ADAM33: variants seen among roughly 807,000 people sequenced by gnomAD.
ADAM33 encodes the protein ADAM metallopeptidase domain 33.
A neutral mutation model predicts 106.2 loss-of-function variants in ADAM33; 103 were observed. The observed-to-expected ratio is 0.97, with a 90% confidence interval of 0.83 to 1.14. ADAM33 has a LOEUF of 1.14. Ranked by LOEUF, ADAM33 falls within the 50% of genes most tolerant of loss-of-function variation. The pLI, the probability that ADAM33 is intolerant of heterozygous loss-of-function variation, is 0.00. For synonymous variants in ADAM33, 483 were observed against 453.0 expected, an observed-to-expected ratio of 1.07 and a Z score of -0.84; for missense variants, 1,120 against 1,096.6, an observed-to-expected ratio of 1.02 and a Z score of -0.30.
In ADAM33 at chr20:3,671,839, C is replaced by T. The variant is rs200156657; in HGVS notation, c.1706+38G>A. 1.3e-5 allele frequency: 20 copies of T among 1,551,484 alleles called. No individual in the cohort carries two copies. In the East Asian group the frequency reaches 3.4e-4, roughly 27 times the overall value. ...GTACCCCCCTTCCCCAAACCCACTCCATAGCTTCTGCTCCCTCCACTCAGC... is the reference window on the plus strand; with the variant it reads ...GTACCCCCCTTCCCCAAACCCACTCTATAGCTTCTGCTCCCTCCACTCAGC... On this transcript the variant is annotated intron_variant, in intron 15 of 21. Coordinates refer to ENST00000356518, the MANE Select transcript of ADAM33 (RefSeq NM_025220.5).
intron 4 of ADAM33, 50 bp from the exon 5 acceptor site, chr20:3,674,899 G>A (rs1419055253): frequency 1.9e-6 from 3 of 1,607,706 alleles, no homozygotes; most frequent in South Asian, 1.1e-5. Context: ...TGGAGCAAGA[G>A]GGGCAAGAGG....
chr20:3,681,779 C>T (rs2088520737), intron 1 of ADAM33, 129 bp downstream of exon 1: 18 of 1,358,432 alleles, frequency 1.3e-5, no homozygotes, highest in Non-Finnish European at 1.4e-5. Context: ...ACGCCCTGAC[C>T]TACTGGCCGT....
chr20:3,671,556 G>C (rs372086708), intron 16 of ADAM33, 25 bp downstream of exon 16: 1 of 1,609,020 alleles, frequency 6.2e-7, no homozygotes, highest in South Asian at 1.1e-5. Flanking sequence ...AAACGGCAAG[G>C]AGGGGTCGGG....
chr20:3,672,332 G>A lies in ADAM33; in HGVS notation c.1402-3C>T, dbSNP rs773138145. ...CACAGCGCTCCAGCCGGCTTCAGCT[G>A]CGCAGGTGACGGGTGGTGGGGAAGG... On this transcript the variant is annotated splice_region_variant and splice_polypyrimidine_tract_variant and intron_variant, in intron 13 of 21. Transcript: ENST00000356518. 2.4e-5 allele frequency: 38 copies of A among 1,557,822 alleles called. 2 individuals carry two copies. The South Asian group carries it at 3.7e-4, about 15-fold the overall frequency.
intron 4 of ADAM33, 66 bp downstream of exon 4, chr20:3,674,961 G>C (rs752498101): frequency 1.2e-6 from 2 of 1,610,602 alleles, no homozygotes; most frequent in South Asian, 1.1e-5. Context: ...GCAAGGAGGA[G>C]TAGGGGTAGG....
rs577080284 is a variant in ADAM33, at chr20:3,668,601, G to A, written c.*362C>T. On this transcript the variant is annotated 3_prime_UTR_variant, in exon 22 of 22. Transcript: ENST00000356518. ...TCATGCCCTCCACAGAGCTGGGTCCGTGGAAATTGCATGTAGGAGACACAC... is the reference window on the plus strand; with the variant it reads ...TCATGCCCTCCACAGAGCTGGGTCCATGGAAATTGCATGTAGGAGACACAC... 14 of 322,842 alleles carry A rather than the reference G, an allele frequency of 4.3e-5. No individual in the cohort carries two copies. The highest frequency in any genetic ancestry group is 1.1e-4 in the African/African-American group (5 of 47,594). 20.0% of individuals were successfully genotyped at this position (322,842 alleles called of 1,614,324 possible). A position where few individuals can be genotyped will look rare whatever the true frequency, so the allele number is the denominator to read the frequency against.
At position 3,673,884 on chromosome 20, in the gene ADAM33, C is replaced by G. The variant is rs2146399915; in HGVS notation, c.766G>C (p.Ala256Pro). ...GTCCACACCTCCAGGCCGGTCAGCG[C>G]CACCTGAATGTCCAGAGTCCTGAGA... Reference protein sequence around the residue: ...QLLRTLDIQVALTGLEVWTER... With the variant: ...QLLRTLDIQVPLTGLEVWTER... Residue 256 changes from alanine (A) to proline (P), a missense_variant, in exon 9 of 22, where the codon GCG becomes CCG. By Grantham distance (27) the Ala-to-Pro change is conservative. Transcript: ENST00000356518. 6.4e-7 allele frequency: 1 copy of G among 1,563,342 alleles called. No individual in the cohort carries two copies. Among genetic ancestry groups the G allele is most frequent in the South Asian group, 1.2e-5 (1 of 85,598 alleles).
At chr20:3,671,212 G>C in intron 18 of ADAM33, 25 bp downstream of exon 18, 1 of 1,613,130 alleles carries the variant, frequency 6.2e-7, no homozygotes, top group Non-Finnish European at 8.5e-7. Flanking sequence ...CCCAGCTCCT[G>C]CCCACATGCC....
At chr20:3,669,166 C>T in intron 21 of ADAM33, 133 bp downstream of exon 21, 1 of 1,188,440 alleles carries the variant, frequency 8.4e-7, no homozygotes, top group South Asian at 1.3e-5. Flanking sequence ...GCATGATAAC[C>T]AAGAGGTCAT....
rs369029226 is a variant in ADAM33, at chr20:3,673,882, C to T, written c.768G>A (p.Ala256=). 2 of 1,562,156 alleles carry T rather than the reference C, an allele frequency of 1.3e-6. No homozygotes were observed. Among genetic ancestry groups the T allele is most frequent in the Non-Finnish European group, 1.7e-6 (2 of 1,161,284 alleles). ...QLLRTLDIQV[A]LTGLEVWTER... ...CGGTCCACACCTCCAGGCCGGTCAG[C>T]GCCACCTGAATGTCCAGAGTCCTGA... The change falls in exon 9 of 22, where the codon GCG becomes GCA. Residue 256 remains alanine, a synonymous_variant. Transcript: ENST00000356518.
chr20:3,676,567 T>C (rs2087978592), intron 3 of ADAM33, among the ~76,000 whole-genome samples: 1 of 151,954 alleles, frequency 6.6e-6, no homozygotes, highest in Admixed American at 6.6e-5. Flanking sequence ...GCCCCCTAAG[T>C]AGCTGGGATT....
At chr20:3,677,691 T>C (rs111364105) in intron 2 of ADAM33, among the ~76,000 whole-genome samples, 2,437 of 152,184 alleles carry the variant, frequency 0.016, 70 homozygotes, top group African/African-American at 0.055. Flanking sequence ...GCAGCCCCCG[T>C]CCCTCCGGCT....
In ADAM33 at chr20:3,677,076, T is replaced by C; in HGVS notation, c.245A>G (p.Glu82Gly). The stretch of plus-strand genomic sequence containing the variant: ...CCAGCCTGGCACTCACTGGTTCTTC[T>C]CCAGCTCAAGCAGGAGCTCCTGGCC... ...AEGQELLLEL[E>G]KNHRLLAPGY... The change falls in exon 3 of 22, where the codon GAG (glutamate) becomes GGG (glycine). Residue 82 changes from glutamate to glycine, a missense_variant. Transcript: ENST00000356518. 1.2e-6 allele frequency: 2 copies of C among 1,612,702 alleles called. No individual in the cohort carries two copies. The highest frequency in any genetic ancestry group is 1.7e-6 in the Non-Finnish European group (2 of 1,179,682).
At chr20:3,672,927 G>A (rs1232415702) in intron 11 of ADAM33, 29 bp from the exon 12 acceptor site, 1 of 1,523,696 alleles carries the variant, frequency 6.6e-7, no homozygotes, top group Non-Finnish European at 8.7e-7. Context: ...CATTGGGCAT[G>A]GAGGGACAGT....
At chr20:3,677,176 G>A in intron 2 of ADAM33, 33 bp from the exon 3 acceptor site, 3 of 1,543,848 alleles carry the variant, frequency 1.9e-6, no homozygotes, top group Non-Finnish European at 2.6e-6. Context: ...CTGAGATGGT[G>A]GCCTCCAGGC....
In ADAM33 at chr20:3,673,338, C is replaced by T. The variant is rs1003158910; in HGVS notation, c.1133+16G>A. On this transcript the variant is annotated intron_variant, in intron 11 of 21. Coordinates refer to ENST00000356518, the MANE Select transcript of ADAM33 (RefSeq NM_025220.5). ...ACTAGCCGCCCCGCCGCAGCCCCGA[C>T]CCCCCACCCGCGTACCCGGTGGCCG... The T allele has an allele frequency of 3.9e-6, 6 of 1,537,046 alleles. No homozygotes were observed. The highest frequency in any genetic ancestry group is 3.5e-6 in the Non-Finnish European group (4 of 1,147,722).
At chr20:3,673,717 G>C in intron 9 of ADAM33, 28 bp downstream of exon 9, 1 of 1,392,972 alleles carries the variant, frequency 7.2e-7, no homozygotes, top group Non-Finnish European at 9.3e-7. Flanking sequence ...CCCCACCCGG[G>C]ACCCGCGTCC....
chr20:3,679,599 G>A, intron 1 of ADAM33, 28 bp from the exon 2 acceptor site: 2 of 1,585,228 alleles, frequency 1.3e-6, no homozygotes, highest in Non-Finnish European at 1.7e-6. Flanking sequence ...CACAGGGTGA[G>A]GGGGACCTGA....
intron 3 of ADAM33, among the ~76,000 whole-genome samples, chr20:3,676,447 C>CT (rs1045441686): frequency 2.0e-4 from 25 of 124,190 alleles, no homozygotes; most frequent in African/African-American, 4.5e-4. Context: ...TTTTTTTTCT[C>CT]TTTTTTTGAG....
Sources: allele counts gnomAD v4.1 joint callset (sites outside exome capture counted in the v4.1 genomes callset), GRCh38; gene constraint gnomAD v4.1.1; transcripts MANE v1.5; gene names NCBI Gene and HGNC (gene_info 2026-07-23, HGNC 2026-07-21).